PACS1: variants seen among roughly 807,000 people sequenced by gnomAD.
The protein encoded by PACS1 is phosphofurin acidic cluster sorting protein 1.
Under a neutral mutation model 115.0 loss-of-function variants are expected in PACS1, and 24 were observed. That is an observed-to-expected ratio of 0.21 (90% confidence interval 0.15 to 0.29). The LOEUF is 0.29. Among genes scored for constraint, PACS1 ranks in the 10% least tolerant of loss-of-function variants. The pLI, the probability that PACS1 is intolerant of heterozygous loss-of-function variation, is 1.00. For synonymous variants in PACS1, 453 were observed against 504.5 expected (o/e 0.90, Z 1.37); for missense variants, 838 against 1,251.2 (o/e 0.67, Z 4.98).
rs752967195 is a variant in PACS1, at chr11:66,220,799, C to T, written c.1199+8C>T. 2.7e-5 allele frequency: 44 copies of T among 1,612,910 alleles called. 1 individual carries two copies. Among genetic ancestry groups the T allele is most frequent in the South Asian group, 1.1e-4 (10 of 90,866 alleles). ...GCCAAAGCCCAAGCTCAAGTGAGCC[C>T]CCCTCTCTGTAGCTGGCCTCCAGAC... On this transcript the variant is annotated splice_region_variant and intron_variant, in intron 9 of 23. Coordinates refer to ENST00000320580, the MANE Select transcript of PACS1 (RefSeq NM_018026.4).
At chr11:66,077,483 C>T (rs1857416921) in intron 1 of PACS1, among the ~76,000 whole-genome samples, 1 of 152,168 alleles carries the variant, frequency 6.6e-6, no homozygotes, top group African/African-American at 2.4e-5. Context: ...AGCACTTGAG[C>T]TCTGGAGGTC....
intron 1 of PACS1, among the ~76,000 whole-genome samples, chr11:66,138,335 A>G (rs1858895760): frequency 6.6e-6 from 1 of 152,032 alleles, no homozygotes; most frequent in Non-Finnish European, 1.5e-5. Context: ...TCCCCAAGCA[A>G]CCACCCAAAG....
Position 66,227,556 on chromosome 11 carries a change from A to G in PACS1, c.1346A>G (p.Asp449Gly), listed in dbSNP as rs747647916. The G allele has an allele frequency of 6.2e-6, 10 of 1,611,494 alleles. No homozygotes were observed. The highest frequency in any genetic ancestry group is 1.1e-5 in the South Asian group (1 of 90,820). ...KIKSTWIKNQ[D>G]DSLTETDTLE... ...AAATCTACTTGGATTAAAAACCAAG[A>G]TGACAGCTTGACTGAAACAGACACT... Residue 449 changes from aspartate (D) to glycine (G), a missense_variant, in exon 11 of 24, where the codon GAT (aspartate) becomes GGT (glycine). Asp to Gly is a moderately conservative substitution (Grantham distance 94). This residue lies in a region of PACS1 where 383 missense variants were observed against 537.0 expected (regional missense o/e 0.71). Transcript: ENST00000320580.
At chr11:66,165,565 G>T (rs1859582469) in intron 1 of PACS1, among the ~76,000 whole-genome samples, 1 of 152,062 alleles carries the variant, frequency 6.6e-6, no homozygotes, top group South Asian at 2.1e-4. Context: ...TGTCAAACTT[G>T]CATGTCCTGA....
rs71455706 is a variant in PACS1, at chr11:66,129,431, C to CA, written c.356+58601dup. ...TGGGTGACAGAGCAAGACTCCATATCAAAAAAAAAAAAGGGTTTAAAAAAT... is the reference window on the plus strand; with the variant it reads ...TGGGTGACAGAGCAAGACTCCATATCAAAAAAAAAAAAAGGGTTTAAAAAAT... On this transcript the variant is annotated intron_variant, in intron 1 of 23. Coordinates refer to ENST00000320580, the MANE Select transcript of PACS1 (RefSeq NM_018026.4). Among the ~76,000 whole-genome samples the CA allele has an allele frequency of 1.4e-3, 158 of 114,504 alleles. 2 individuals carry two copies. The highest frequency in any genetic ancestry group is 2.0e-3 in the African/African-American group (62 of 31,010). The allele number at this position is 114,504 out of a possible 152,430, so 75.1% of individuals were successfully genotyped here. A position where few individuals can be genotyped will look rare whatever the true frequency, so the allele number is the denominator to read the frequency against.
chr11:66,192,366 T>G (rs992130448), intron 1 of PACS1, among the ~76,000 whole-genome samples: 4 of 152,150 alleles, frequency 2.6e-5, no homozygotes, highest in African/African-American at 9.7e-5. Flanking sequence ...TCGGGGGAAG[T>G]TCTCCTGGCA....
intron 4 of PACS1, among the ~76,000 whole-genome samples, chr11:66,214,032 CAAAAAAAA>C (rs71036278): frequency 2.3e-5 from 1 of 42,982 alleles, no homozygotes. Flanking sequence ...GACTCCATCT[CAAAAAAAA>C]AAAAAAAAAA....
chr11:66,081,844 G>C (rs1857485902), intron 1 of PACS1, among the ~76,000 whole-genome samples: 1 of 152,114 alleles, frequency 6.6e-6, no homozygotes, highest in Non-Finnish European at 1.5e-5. Flanking sequence ...GAAAATGAGG[G>C]TTTAAATGTA....
chr11:66,234,193 G>C lies in PACS1; in HGVS notation c.2055G>C (p.Leu685=). 6.2e-7 allele frequency: 1 copy of C among 1,614,170 alleles called. No homozygotes were observed. Among genetic ancestry groups the C allele is most frequent in the Non-Finnish European group, 8.5e-7 (1 of 1,180,014 alleles). The change falls in exon 17 of 24, where the codon CTG becomes CTC. Residue 685 remains leucine (L), a synonymous_variant. Coordinates refer to ENST00000320580, the MANE Select transcript of PACS1 (RefSeq NM_018026.4). ...ACAGTAAATACAGTAGTTCCTTCCT[G>C]GATTCTGGTTGGAGAGATCTGTTCA... is the stretch of plus-strand genomic sequence containing the variant. The part of the protein sequence containing the change: ...SVDSKYSSSF[L]DSGWRDLFSR...
At chr11:66,228,515 G>A (rs1005345811) in intron 11 of PACS1, among the ~76,000 whole-genome samples, 10 of 152,096 alleles carry the variant, frequency 6.6e-5, no homozygotes, top group African/African-American at 2.2e-4. Flanking sequence ...ACTGTAGTCC[G>A]TACTGCACGT....
chr11:66,150,164 G>T (rs1057259190), intron 1 of PACS1, among the ~76,000 whole-genome samples: 1 of 152,044 alleles, frequency 6.6e-6, no homozygotes, highest in Non-Finnish European at 1.5e-5. Flanking sequence ...CTTTATTAAA[G>T]ACATATAAAA....
intron 1 of PACS1, among the ~76,000 whole-genome samples, chr11:66,182,269 C>T (rs1376684920): frequency 1.3e-5 from 2 of 152,166 alleles, no homozygotes; most frequent in Non-Finnish European, 2.9e-5. Flanking sequence ...TGAAAATTTT[C>T]TTAGAATCTT....
At position 66,229,247 on chromosome 11, in the gene PACS1, A is replaced by C. The variant is rs145276258; in HGVS notation, c.1375-1301A>C. 5.9e-3 allele frequency among the ~76,000 whole-genome samples: 896 copies of C among 151,966 alleles called. 10 individuals are homozygous for C. Among genetic ancestry groups the C allele is most frequent in the African/African-American group, 0.02 (836 of 41,432 alleles). On this transcript the variant is annotated intron_variant, in intron 11 of 23. Transcript: ENST00000320580. The stretch of plus-strand genomic sequence containing the variant: ...AAAAAAAAAAAATAGTAATACAAAA[A>C]AATTAGCCAGGCATGCTGACATGCA...
In PACS1 at chr11:66,070,368, C is replaced by T. The variant is rs1857285046; in HGVS notation, c.-119C>T. On this transcript the variant is annotated 5_prime_UTR_variant, in exon 1 of 24. Coordinates refer to ENST00000320580, the MANE Select transcript of PACS1 (RefSeq NM_018026.4). The surrounding 1 kb of genome is among the most constrained non-coding windows in gnomAD (Gnocchi z 5.9). Reference sequence around the variant, plus strand: ...GCGCGTGCGTGCAGCTCGCTGGCTGCTCGCGCTCGGGCAGGCGGGCTGAGG... The same window carrying T: ...GCGCGTGCGTGCAGCTCGCTGGCTGTTCGCGCTCGGGCAGGCGGGCTGAGG... 3.9e-6 allele frequency: 2 copies of T among 508,636 alleles called. No homozygotes were observed. Among genetic ancestry groups the T allele is most frequent in the East Asian group, 5.0e-5 (1 of 19,876 alleles). 31.5% of individuals were successfully genotyped at this position (508,636 alleles called of 1,614,324 possible).
intron 1 of PACS1, among the ~76,000 whole-genome samples, chr11:66,174,192 A>G (rs554651101): frequency 6.6e-6 from 1 of 152,338 alleles, no homozygotes; most frequent in East Asian, 1.9e-4. Flanking sequence ...AAACCACATT[A>G]AATAAAATAA....
intron 1 of PACS1, among the ~76,000 whole-genome samples, chr11:66,138,084 G>GTTTATTTA (rs56348908): frequency 0.2 from 29,253 of 149,260 alleles, 2,990 homozygotes; most frequent in Middle Eastern, 0.26. Flanking sequence ...ATTTTGCCCC[G>GTTTATTTA]TTTATTTATT....
chr11:66,199,246 C>T (rs1193616693), intron 2 of PACS1, among the ~76,000 whole-genome samples: 5 of 147,950 alleles, frequency 3.4e-5, no homozygotes, highest in Non-Finnish European at 5.9e-5. Flanking sequence ...ACCCAGGAGT[C>T]GGAGCTTGCA....
At chr11:66,221,842 G>A (rs1452066036) in intron 10 of PACS1, among the ~76,000 whole-genome samples, 7 of 152,090 alleles carry the variant, frequency 4.6e-5, no homozygotes, top group African/African-American at 1.4e-4. Flanking sequence ...TCTGCTGGGC[G>A]TGGTGACTCA....
chr11:66,193,440 G>A (rs367885838), intron 1 of PACS1, 46 bp from the exon 2 acceptor site: 13 of 1,349,962 alleles, frequency 9.6e-6, no homozygotes, highest in East Asian at 4.6e-5. Flanking sequence ...CACTTTTCTC[G>A]CAAGTTCCTC....
Sources: gnomAD v4.1 joint callset for allele counts (sites outside exome capture counted in the v4.1 genomes callset) on GRCh38, gnomAD v4.1.1 for gene constraint, gnomAD v4.1.1 regional missense constraint, Gnocchi (gnomAD v3.1) non-coding constraint, MANE v1.5 for transcripts, NCBI Gene and HGNC (gene_info 2026-07-23, HGNC 2026-07-21) for gene names.